LCOR: variants seen among roughly 807,000 people sequenced by gnomAD.
LCOR encodes ligand dependent nuclear receptor corepressor, also known as ligand-dependent corepressor.
In LCOR, 14 loss-of-function variants were observed where a neutral mutation model predicts 64.4. The ratio of observed to expected loss-of-function variants is 0.22; its 90% CI spans 0.14 to 0.34. The LOEUF (loss-of-function observed/expected upper bound fraction) is 0.34. LCOR is among the 10% of genes least tolerant of loss of function. LCOR has a pLI of 1.00. For missense variants in LCOR, 1,686 were observed against 1,765.3 expected (o/e 0.96, Z 0.80); for synonymous variants, 643 against 642.5 (o/e 1.00, Z -0.01).
intron 2 of LCOR, among the ~76,000 whole-genome samples, chr10:96,837,113 T>TC (rs1391445336): frequency 6.6e-6 from 1 of 151,530 alleles, no homozygotes; most frequent in Non-Finnish European, 1.5e-5. Flanking sequence ...TGCCTCAGCC[T>TC]CCGAGTAGCT....
intron 4 of LCOR, among the ~76,000 whole-genome samples, chr10:96,934,958 T>C (rs1847322677): frequency 6.6e-6 from 1 of 152,134 alleles, no homozygotes; most frequent in Admixed American, 6.5e-5. Context: ...TCTTTAATAA[T>C]AAATATTCCT....
chr10:96,847,207 G>A (rs1407487390), intron 2 of LCOR, among the ~76,000 whole-genome samples: 1 of 152,078 alleles, frequency 6.6e-6, no homozygotes, highest in East Asian at 1.9e-4. Flanking sequence ...TCATGCCGCA[G>A]CACTCCAGTC....
chr10:96,861,420 A>G (rs1299055830), intron 2 of LCOR, among the ~76,000 whole-genome samples: 1 of 152,218 alleles, frequency 6.6e-6, no homozygotes, highest in Non-Finnish European at 1.5e-5. Flanking sequence ...TGCTCACACC[A>G]TATTACAATA....
rs141108014 is a variant in LCOR, at chr10:96,981,603, A to G, written c.1143A>G (p.Leu381=). ...QCPKTPLRQD[L]EANEQDARPK... The stretch of plus-strand genomic sequence containing the variant: ...CAAAAACACCTTTGCGCCAGGATTT[A>G]GAGGCAAATGAACAAGATGCAAGGC... Residue 381 remains leucine (L), a synonymous_variant, in exon 8 of 8, where the codon TTA becomes TTG. Transcript: ENST00000421806. 2 of 1,614,132 alleles carry G rather than the reference A, an allele frequency of 1.2e-6. No homozygotes were observed. Among genetic ancestry groups the G allele is most frequent in the African/African-American group, 2.7e-5 (2 of 74,950 alleles).
chr10:96,951,988 A>T, intron 6 of LCOR, 115 bp from the exon 7 acceptor site: 1 of 653,290 alleles, frequency 1.5e-6, no homozygotes. Context: ...ATATATGACT[A>T]GCATATCTGC....
intron 4 of LCOR, among the ~76,000 whole-genome samples, chr10:96,934,000 T>C (rs1008532572): frequency 1.3e-5 from 2 of 152,192 alleles, no homozygotes; most frequent in African/African-American, 4.8e-5. Flanking sequence ...GTTTAGCATA[T>C]TTTTCTGCTA....
At chr10:96,893,355 TTATAATA>T (rs1846478907) in intron 2 of LCOR, among the ~76,000 whole-genome samples, 1 of 152,214 alleles carries the variant, frequency 6.6e-6, no homozygotes, top group Non-Finnish European at 1.5e-5. Context: ...TCCTAACACT[TTATAATA>T]TAATATCTCT....
intron 2 of LCOR, among the ~76,000 whole-genome samples, chr10:96,872,770 C>T (rs377116086): frequency 3.9e-5 from 6 of 152,276 alleles, no homozygotes; most frequent in African/African-American, 1.2e-4. Flanking sequence ...CCAGTTAATT[C>T]TTCTTCTAAC....
intron 2 of LCOR, among the ~76,000 whole-genome samples, chr10:96,904,669 G>T (rs549162456): frequency 2.0e-5 from 3 of 152,282 alleles, no homozygotes; most frequent in African/African-American, 7.2e-5. Context: ...AAGCCTTAGT[G>T]ATTGAACATA....
intron 2 of LCOR, among the ~76,000 whole-genome samples, chr10:96,888,465 G>A (rs551855379): frequency 6.6e-6 from 1 of 151,544 alleles, no homozygotes; most frequent in East Asian, 1.9e-4. Flanking sequence ...ACTACTGCGG[G>A]CATGAGAACT....
chr10:96,947,464 T>C (rs1254430065), intron 5 of LCOR, among the ~76,000 whole-genome samples: 1 of 152,122 alleles, frequency 6.6e-6, no homozygotes, highest in African/African-American at 2.4e-5. Flanking sequence ...GTAATTAGAG[T>C]CAGTTTTTCT....
chr10:96,964,219 T>C (rs935880435), intron 7 of LCOR: 2 of 151,104 alleles, frequency 1.3e-5, no homozygotes, highest in Non-Finnish European at 2.9e-5. Context: ...TACTTAAAAT[T>C]TTAATCCATG....
rs550803935 is a variant in LCOR at position 96,911,764 on chromosome 10, C to T, written c.-184+4017C>T. Among the ~76,000 whole-genome samples, 166 of 152,228 alleles carry T rather than the reference C, an allele frequency of 1.1e-3. 1 individual carries two copies. Among genetic ancestry groups the T allele is most frequent in the Non-Finnish European group, 1.7e-3 (118 of 68,012 alleles). On this transcript the variant is annotated intron_variant, in intron 4 of 7. Transcript: ENST00000421806. ...TTACCTGCTTACTTCTTTCCTTCCT[C>T]CCATTTTCTGTTTTATGGGCATAAA...
chr10:96,833,533 C>A, intron 2 of LCOR, 54 bp downstream of exon 2: 1 of 766,302 alleles, frequency 1.3e-6, no homozygotes, highest in Non-Finnish European at 1.6e-6. Flanking sequence ...AGCCCCAGTC[C>A]ATCCTTGTGT....
chr10:96,855,323 AAAC>A (rs1397690586), intron 2 of LCOR, among the ~76,000 whole-genome samples: 2 of 151,586 alleles, frequency 1.3e-5, no homozygotes, highest in Non-Finnish European at 2.9e-5. Context: ...TGCTCTAAAA[AAAC>A]TTACTCGAGC....
intron 4 of LCOR, among the ~76,000 whole-genome samples, chr10:96,910,084 A>T (rs953065904): frequency 2.0e-5 from 3 of 152,040 alleles, no homozygotes; most frequent in African/African-American, 7.2e-5. Context: ...ATATTGTATG[A>T]ATTTTTTTTA....
At chr10:96,919,031 C>A (rs1219726959) in intron 4 of LCOR, among the ~76,000 whole-genome samples, 1 of 152,120 alleles carries the variant, frequency 6.6e-6, no homozygotes, top group Non-Finnish European at 1.5e-5. Context: ...AGATATTAAA[C>A]AAAATCTTAT....
At chr10:96,880,490 C>G (rs910009729) in intron 2 of LCOR, among the ~76,000 whole-genome samples, 1 of 152,242 alleles carries the variant, frequency 6.6e-6, no homozygotes, top group East Asian at 1.9e-4. Flanking sequence ...CTCCACCTTC[C>G]GGGTTCAAGC....
intron 7 of LCOR, chr10:96,962,937 ACT>A: frequency 6.6e-6 from 1 of 152,224 alleles, no homozygotes; most frequent in Admixed American, 6.5e-5. Flanking sequence ...CAGTTTACAC[ACT>A]CTTCTCACTC....
Sources: gnomAD v4.1 joint callset for allele counts (sites outside exome capture counted in the v4.1 genomes callset) on GRCh38, gnomAD v4.1.1 for gene constraint, MANE v1.5 for transcripts, NCBI Gene and HGNC (gene_info 2026-07-23, HGNC 2026-07-21) for gene names.